Variants in CCSER1 observed in about 807,000 individuals in gnomAD.
CCSER1 encodes coiled-coil serine rich protein 1, also known as serine-rich coiled-coil domain-containing protein 1.
CCSER1 carries 41 observed loss-of-function variants against 82.0 expected under a neutral mutation model. The ratio of observed to expected loss-of-function variants is 0.50; its 90% CI spans 0.39 to 0.65. The LOEUF (loss-of-function observed/expected upper bound fraction) is 0.65. Among genes scored for constraint, CCSER1 ranks in the 30% least tolerant of loss-of-function variants. CCSER1 has a pLI of 0.00. For missense variants in CCSER1, 1,119 were observed against 1,064.2 expected (o/e 1.05, Z -0.72); for synonymous variants, 414 against 383.9 (o/e 1.08, Z -0.92).
At chr4:91,233,880 G>A (rs1442421203) in intron 10 of CCSER1, among the ~76,000 whole-genome samples, 1 of 151,756 alleles carries the variant, frequency 6.6e-6, no homozygotes, top group Non-Finnish European at 1.5e-5. Flanking sequence ...TTCAACAACA[G>A]TGTATAATTT....
At chr4:90,585,001 G>A (rs938796232) in intron 5 of CCSER1, among the ~76,000 whole-genome samples, 3 of 152,210 alleles carry the variant, frequency 2.0e-5, no homozygotes, top group South Asian at 2.1e-4. Context: ...CTTGTATCCC[G>A]AGAGTGCTCA....
At chr4:91,474,364 G>T (rs1757445301) in intron 10 of CCSER1, among the ~76,000 whole-genome samples, 1 of 151,556 alleles carries the variant, frequency 6.6e-6, no homozygotes, top group Non-Finnish European at 1.5e-5. Context: ...TTCTTATATT[G>T]TGTTACAATT....
intron 10 of CCSER1, among the ~76,000 whole-genome samples, chr4:91,157,103 C>T (rs1406738011): frequency 6.6e-6 from 1 of 151,834 alleles, no homozygotes. Flanking sequence ...AACACTAGCT[C>T]AGATCTCTCT....
At chr4:90,614,186 T>C (rs115089065) in intron 5 of CCSER1, among the ~76,000 whole-genome samples, 2,116 of 152,292 alleles carry the variant, frequency 0.014, 47 homozygotes, top group African/African-American at 0.049. Context: ...ATTGTAATTG[T>C]TTTGAGGTGC....
intron 9 of CCSER1, among the ~76,000 whole-genome samples, chr4:91,067,088 C>T (rs1720898496): frequency 1.3e-5 from 2 of 151,864 alleles, no homozygotes; most frequent in African/African-American, 4.8e-5. Flanking sequence ...GGCGTGAACC[C>T]GGGAGGCGGA....
rs976813300 is a variant in CCSER1, at chr4:90,415,843, A to G, written c.1603+15714A>G. Among the ~76,000 whole-genome samples the G allele has an allele frequency of 5.3e-5, 8 of 152,254 alleles. No individual in the cohort carries two copies. In the East Asian group the frequency reaches 1.3e-3, roughly 26 times the overall value. ...TCATAATTAAATGAATTAAAGTTAA[A>G]AGAGGGCTAAAACACATTTTAGTGT... On this transcript the variant is annotated intron_variant, in intron 4 of 10. Coordinates refer to ENST00000509176, the MANE Select transcript of CCSER1 (RefSeq NM_001145065.2).
intron 3 of CCSER1, among the ~76,000 whole-genome samples, chr4:90,328,193 T>C (rs1738578199): frequency 6.6e-6 from 1 of 152,192 alleles, no homozygotes; most frequent in Non-Finnish European, 1.5e-5. Context: ...ACAATCACAA[T>C]ATATTAGATT....
chr4:91,500,386 C>T (rs899145885), intron 10 of CCSER1, among the ~76,000 whole-genome samples: 3 of 152,010 alleles, frequency 2.0e-5, no homozygotes, highest in African/African-American at 4.8e-5. Flanking sequence ...TTACCAGATA[C>T]ATCTGCAAAT....
intron 10 of CCSER1, among the ~76,000 whole-genome samples, chr4:91,443,797 T>C (rs1755374257): frequency 1.3e-5 from 2 of 149,910 alleles, no homozygotes; most frequent in Admixed American, 1.3e-4. Context: ...AAAAATGGGA[T>C]TTTTATTCAC....
At chr4:90,666,947 A>G (rs1449967831) in intron 6 of CCSER1, among the ~76,000 whole-genome samples, 10 of 152,232 alleles carry the variant, frequency 6.6e-5, no homozygotes, top group Non-Finnish European at 1.0e-4. Context: ...TACAAAGAAA[A>G]TAATAACTCT....
In CCSER1 at chr4:91,374,931, G is replaced by A. The variant is rs544871201; in HGVS notation, c.2218-223641G>A. Among the ~76,000 whole-genome samples, 14 of 152,294 alleles carry A rather than the reference G, an allele frequency of 9.2e-5. No individual in the cohort carries two copies. In the East Asian group the frequency reaches 2.3e-3, roughly 25 times the overall value. Reference sequence around the variant, plus strand: ...GAATTGCTTGAACCCAGTAGGCTGAGGTTGCAGTGAGCTGAGATCATCTCA... The same window carrying A: ...GAATTGCTTGAACCCAGTAGGCTGAAGTTGCAGTGAGCTGAGATCATCTCA... On this transcript the variant is annotated intron_variant, in intron 10 of 10. Coordinates refer to ENST00000509176, the MANE Select transcript of CCSER1 (RefSeq NM_001145065.2).
At chr4:91,565,026 T>C (rs199571822) in intron 10 of CCSER1, among the ~76,000 whole-genome samples, 3 of 131,032 alleles carry the variant, frequency 2.3e-5, no homozygotes, top group South Asian at 5.9e-4. Context: ...GCACCTTGAG[T>C]TGTGTGTGTG....
chr4:90,899,611 T>C (rs1219604487), intron 8 of CCSER1, among the ~76,000 whole-genome samples: 1 of 152,084 alleles, frequency 6.6e-6, no homozygotes, highest in Non-Finnish European at 1.5e-5. Context: ...CTTATTATTT[T>C]GAGATATGTT....
intron 10 of CCSER1, among the ~76,000 whole-genome samples, chr4:91,458,378 G>A (rs1560687364): frequency 6.6e-6 from 1 of 152,076 alleles, no homozygotes; most frequent in Non-Finnish European, 1.5e-5. Context: ...ATTGGTCTAT[G>A]TGTCTATCTT....
intron 10 of CCSER1, among the ~76,000 whole-genome samples, chr4:91,214,394 CTT>C (rs1412764090): frequency 1.3e-5 from 2 of 152,086 alleles, no homozygotes; most frequent in Non-Finnish European, 2.9e-5. Context: ...ATTTCAGTAC[CTT>C]TTGCCCATAA....
At position 91,603,716 on chromosome 4, in the gene CCSER1, G is replaced by T. The variant is rs1047159412; in HGVS notation, c.*4659G>T. The T allele has an allele frequency of 6.6e-6, 1 of 151,980 alleles. No homozygotes were observed. Among genetic ancestry groups the T allele is most frequent in the Admixed American group, 6.6e-5 (1 of 15,232 alleles). The allele number at this position is 151,980 out of a possible 1,614,324, so 9.4% of individuals were successfully genotyped here. A position where few individuals can be genotyped will look rare whatever the true frequency, so the allele number is the denominator to read the frequency against. On this transcript the variant is annotated 3_prime_UTR_variant, in exon 11 of 11. Coordinates refer to ENST00000509176, the MANE Select transcript of CCSER1 (RefSeq NM_001145065.2). ...CAAACATTACCTCTTTAGTAAATTC[G>T]GGTTGCTATAACAAAATACCATGGA...
intron 7 of CCSER1, among the ~76,000 whole-genome samples, chr4:90,760,371 T>C (rs746110525): frequency 1.3e-5 from 2 of 152,048 alleles, no homozygotes; most frequent in Non-Finnish European, 2.9e-5. Flanking sequence ...TTTCCTGTCA[T>C]ATAAAATCTG....
At chr4:90,511,300 C>A (rs1208710984) in intron 5 of CCSER1, among the ~76,000 whole-genome samples, 1 of 152,100 alleles carries the variant, frequency 6.6e-6, no homozygotes, top group Non-Finnish European at 1.5e-5. Flanking sequence ...CACCTGTAGT[C>A]CCAGCTACTC....
At chr4:90,968,972 CAG>C (rs1435176752) in intron 9 of CCSER1, among the ~76,000 whole-genome samples, 3 of 151,044 alleles carry the variant, frequency 2.0e-5, no homozygotes, top group East Asian at 3.9e-4. Context: ...AACAAAGAGA[CAG>C]AAATTATTTA....
Sources: gnomAD v4.1 joint callset for allele counts (sites outside exome capture counted in the v4.1 genomes callset) on GRCh38, gnomAD v4.1.1 for gene constraint, MANE v1.5 for transcripts, NCBI Gene and HGNC (gene_info 2026-07-23, HGNC 2026-07-21) for gene names.